CERK: variants seen among roughly 807,000 people sequenced by gnomAD.
CERK encodes the protein ceramide kinase, also known as acylsphingosine kinase.
A neutral mutation model predicts 63.4 loss-of-function variants in CERK; 39 were observed. The observed-to-expected ratio is 0.61, with a 90% CI of 0.48 to 0.80. CERK has a LOEUF of 0.80. Ranked by LOEUF, CERK falls within the 30% of genes least tolerant of loss-of-function variation. The pLI, the probability that CERK is intolerant of heterozygous loss-of-function variation, is 0.00. For missense variants in CERK, 670 were observed against 714.1 expected (o/e 0.94, Z 0.70); for synonymous variants, 302 against 280.0 (o/e 1.08, Z -0.78).
chr22:46,709,026 C>T (rs562666796), intron 5 of CERK, among the ~76,000 whole-genome samples: 1 of 152,288 alleles, frequency 6.6e-6, no homozygotes, highest in East Asian at 1.9e-4. Context: ...AGGCCACCTG[C>T]TTTGGGCCCG....
chr22:46,696,140 G>A (rs1471458311), intron 8 of CERK, among the ~76,000 whole-genome samples: 1 of 152,218 alleles, frequency 6.6e-6, no homozygotes, highest in Non-Finnish European at 1.5e-5. Flanking sequence ...ACAGCCAAGT[G>A]TGCACCGCCC....
In CERK at chr22:46,720,152, A is replaced by G. The variant is rs375439966; in HGVS notation, c.313T>C (p.Trp105Arg). The change falls in exon 3 of 13, where the codon TGG becomes CGG. Residue 105 changes from tryptophan (W) to arginine (R), a missense_variant. Physicochemically the swap from Trp to Arg is moderately radical, Grantham distance 101. Transcript: ENST00000216264. ...TGACACAGCTGCTCCTCTGGACACCAGAAAGTCACCTGCGCCCACTTCCAG... is the reference window on the plus strand; with the variant it reads ...TGACACAGCTGCTCCTCTGGACACCGGAAAGTCACCTGCGCCCACTTCCAG... ...HRWKWAQVTF[W>R]CPEEQLCHLW... is the part of the protein sequence containing the mutation. 12 of 1,614,024 alleles carry G rather than the reference A, an allele frequency of 7.4e-6. No individual in the cohort carries two copies. The highest frequency in any genetic ancestry group is 1.0e-5 in the Non-Finnish European group (12 of 1,180,044).
chr22:46,712,606 C>T (rs928907546), intron 3 of CERK, among the ~76,000 whole-genome samples: 2 of 152,140 alleles, frequency 1.3e-5, no homozygotes, highest in African/African-American at 4.8e-5. Flanking sequence ...ATGCTGGGGG[C>T]AGCAGCCTCG....
Position 46,689,998 on chromosome 22 carries a change from T to A in CERK, c.1535A>T (p.Glu512Val). Residue 512 changes from glutamate (E) to valine (V), a missense_variant, in exon 12 of 13, where the codon GAG becomes GTG. Physicochemically the swap from Glu to Val is moderately radical, Grantham distance 121. Transcript: ENST00000216264. ...GGAGGACCCCTGCACGCACCTGACCTCGATGGCAGGGCTGTGCAGGACCTC... is the reference window on the plus strand; with the variant it reads ...GGAGGACCCCTGCACGCACCTGACCACGATGGCAGGGCTGTGCAGGACCTC... The part of the protein sequence containing the change: ...DGEVLHSPAI[E>V]VRVHCQLVRL... 6.2e-7 allele frequency: 1 copy of A among 1,603,952 alleles called. No individual in the cohort carries two copies. Among genetic ancestry groups the A allele is most frequent in the Non-Finnish European group, 8.5e-7 (1 of 1,178,770 alleles).
At chr22:46,736,203 A>T (rs571137519) in intron 1 of CERK, among the ~76,000 whole-genome samples, 1 of 152,398 alleles carries the variant, frequency 6.6e-6, no homozygotes, top group South Asian at 2.1e-4. Context: ...CAGGCTGGAC[A>T]AAAGCAGACG....
At chr22:46,701,507 A>G (rs1273611591) in intron 7 of CERK, 129 bp downstream of exon 7, 2 of 719,394 alleles carry the variant, frequency 2.8e-6, no homozygotes, top group African/African-American at 3.5e-5. Context: ...AGAGCAGGGG[A>G]CACAGCGTGA....
intron 9 of CERK, among the ~76,000 whole-genome samples, chr22:46,694,777 T>A (rs1601710315): frequency 1.3e-5 from 2 of 152,018 alleles, no homozygotes; most frequent in South Asian, 4.1e-4. Flanking sequence ...CTGCTGAGAG[T>A]GCACACTTCA....
Position 46,707,879 on chromosome 22 carries a change from C to A in CERK, c.679G>T (p.Val227Phe), listed in dbSNP as rs1260152053. ...VDQNHPRAVL[V>F]PSSLRIGIIP... ...ATTCCAATCCGGAGGCTACTGGGGA[C>A]CAGCACAGCCCGGGGGTGGTTCTGG... Residue 227 changes from valine to phenylalanine, a missense_variant, in exon 6 of 13, where the codon GTC (valine) becomes TTC (phenylalanine). Coordinates refer to ENST00000216264, the MANE Select transcript of CERK (RefSeq NM_022766.6). The A allele has an allele frequency of 6.2e-7, 1 of 1,613,614 alleles. No homozygotes were observed. Among genetic ancestry groups the A allele is most frequent in the African/African-American group, 1.3e-5 (1 of 74,928 alleles).
intron 1 of CERK, among the ~76,000 whole-genome samples, chr22:46,725,251 C>A (rs1303767737): frequency 6.7e-6 from 1 of 149,204 alleles, no homozygotes; most frequent in Non-Finnish European, 1.5e-5. Context: ...AGATAAAGAA[C>A]CGGGCCAAGA....
rs771578079 is a variant in CERK at position 46,690,172 on chromosome 22, C to T, written c.1361G>A (p.Arg454His). The T allele has an allele frequency of 2.0e-5, 33 of 1,613,846 alleles. No individual in the cohort carries two copies. Among genetic ancestry groups the T allele is most frequent in the Middle Eastern group, 3.3e-4 (2 of 6,062 alleles). ...QFDFTFVEVY[R>H]VKKFQFTSKH... ...CGACGTAAACTGGAATTTCTTGACG[C>T]GATAAACTTCAACAAAAGTGAAGTC... is the stretch of plus-strand genomic sequence containing the variant. The change falls in exon 12 of 13, where the codon CGC becomes CAC. Residue 454 changes from arginine (R) to histidine (H), a missense_variant. Arg to His is a conservative substitution (Grantham distance 29). Transcript: ENST00000216264.
chr22:46,705,435 G>A (rs2082808281), intron 6 of CERK, among the ~76,000 whole-genome samples: 2 of 152,214 alleles, frequency 1.3e-5, no homozygotes, highest in South Asian at 2.1e-4. Flanking sequence ...ACCTTGGGAG[G>A]CCAAGGCAGG....
chr22:46,691,820 G>GCTGC, intron 10 of CERK, 43 bp from the exon 11 acceptor site: 1 of 1,545,792 alleles, frequency 6.5e-7, no homozygotes, highest in Non-Finnish European at 8.8e-7. Flanking sequence ...TTACAATGGC[G>GCTGC]CCGGGCAGCG....
In CERK at chr22:46,712,238, T is replaced by A. The variant is rs1285226144; in HGVS notation, c.435A>T (p.Gln145His). The part of the protein sequence containing the change: ...VFINPFGGKG[Q>H]GKRIYERKVA... Reference sequence around the variant, plus strand: ...CTTTTCTTTCATATATCCGCTTGCCTTGTCCTTTTCCTCCAAACGGGTTGA... The same window carrying A: ...CTTTTCTTTCATATATCCGCTTGCCATGTCCTTTTCCTCCAAACGGGTTGA... Residue 145 changes from glutamine (Q) to histidine (H), a missense_variant, in exon 4 of 13, where the codon CAA becomes CAT. Gln to His is a conservative substitution (Grantham distance 24, BLOSUM62 0). Transcript: ENST00000216264. 6.2e-7 allele frequency: 1 copy of A among 1,614,126 alleles called. No homozygotes were observed. Among genetic ancestry groups the A allele is most frequent in the Non-Finnish European group, 8.5e-7 (1 of 1,179,942 alleles).
chr22:46,705,399 C>T (rs971904957), intron 6 of CERK, among the ~76,000 whole-genome samples: 2 of 152,194 alleles, frequency 1.3e-5, no homozygotes, highest in African/African-American at 4.8e-5. Flanking sequence ...GGGCTGGGTC[C>T]AGTGGCTCAT....
chr22:46,689,787 G>A (rs2082720568), intron 12 of CERK, among the ~76,000 whole-genome samples: 1 of 152,270 alleles, frequency 6.6e-6, no homozygotes, highest in Middle Eastern at 3.4e-3. Context: ...CTGAGGACTC[G>A]GCACCCTGGC....
chr22:46,738,029 G>A lies in CERK; in HGVS notation c.120C>T (p.Pro40=), dbSNP rs1259668488. The A allele has an allele frequency of 1.4e-5, 17 of 1,194,198 alleles. No homozygotes were observed. Among genetic ancestry groups the A allele is most frequent in the Admixed American group, 4.6e-5 (1 of 21,684 alleles). 74.0% of individuals were successfully genotyped at this position (1,194,198 alleles called of 1,614,324 possible). ...CACCCGCGCCGGGGGCGCCGGCTCC[G>A]GGCCCCGGGCTCCGCCACCAGCGCA... ...ALLRWWRSPG[P]GAGAPGADAC... Residue 40 remains proline, a synonymous_variant, in exon 1 of 13, where the codon CCC becomes CCT. Coordinates refer to ENST00000216264, the MANE Select transcript of CERK (RefSeq NM_022766.6).
At chr22:46,705,094 C>G (rs183631491) in intron 6 of CERK, among the ~76,000 whole-genome samples, 1 of 152,252 alleles carries the variant, frequency 6.6e-6, no homozygotes, top group Non-Finnish European at 1.5e-5. Flanking sequence ...GAAACTCCCC[C>G]TCCCAGCCCC....
intron 6 of CERK, among the ~76,000 whole-genome samples, chr22:46,702,229 G>A (rs1268456791): frequency 4.0e-4 from 37 of 92,142 alleles, no homozygotes; most frequent in African/African-American, 1.5e-3. Context: ...ATATATGTGT[G>A]TGTGTGTGTG....
chr22:46,737,847 C>G (rs551232777), intron 1 of CERK, among the ~76,000 whole-genome samples, 160 bp downstream of exon 1: 1 of 152,056 alleles, frequency 6.6e-6, no homozygotes, highest in African/African-American at 2.4e-5. Flanking sequence ...CCCGGCCTCC[C>G]TCCCGCCTGC....
Sources: allele counts gnomAD v4.1 joint callset (sites outside exome capture counted in the v4.1 genomes callset), GRCh38; gene constraint gnomAD v4.1.1; transcripts MANE v1.5; gene names NCBI Gene and HGNC (gene_info 2026-07-23, HGNC 2026-07-21).